CDH12: variants seen among roughly 807,000 people sequenced by gnomAD.
CDH12 encodes cadherin 12, also known as cadherin-12.
A neutral mutation model predicts 74.1 loss-of-function variants in CDH12; 41 were observed. The ratio of observed to expected loss-of-function variants is 0.55; its 90% confidence interval spans 0.43 to 0.72. CDH12 has a LOEUF of 0.72. Among genes scored for constraint, CDH12 ranks in the 30% least tolerant of loss-of-function variants. The pLI is 0.00. For missense variants in CDH12, 945 were observed against 977.2 expected, an observed-to-expected ratio of 0.97 and a Z score of 0.44; for synonymous variants, 399 against 355.0, an observed-to-expected ratio of 1.12 and a Z score of -1.39.
At chr5:22,357,097 T>G (rs1740595277) in intron 3 of CDH12, among the ~76,000 whole-genome samples, 1 of 152,138 alleles carries the variant, frequency 6.6e-6, no homozygotes, top group Non-Finnish European at 1.5e-5. Flanking sequence ...ATAGAGATAT[T>G]ATTTGTATTT....
chr5:22,753,636 C>T (rs997783997), intron 1 of CDH12, among the ~76,000 whole-genome samples: 13 of 149,908 alleles, frequency 8.7e-5, no homozygotes, highest in Non-Finnish European at 1.5e-4. Context: ...AATTTAAACT[C>T]TCAGTTGGAA....
intron 3 of CDH12, among the ~76,000 whole-genome samples, chr5:22,368,299 T>C (rs1434142696): frequency 1.3e-5 from 2 of 151,952 alleles, no homozygotes; most frequent in East Asian, 3.9e-4. Flanking sequence ...TTTTAATTAA[T>C]TTTATGTTAT....
At chr5:22,099,963 T>C (rs1744041745) in intron 4 of CDH12, among the ~76,000 whole-genome samples, 1 of 152,064 alleles carries the variant, frequency 6.6e-6, no homozygotes, top group Non-Finnish European at 1.5e-5. Flanking sequence ...TACCACAAAA[T>C]CTTCCTTCAG....
chr5:21,903,194 A>C (rs1753479268), intron 6 of CDH12, among the ~76,000 whole-genome samples: 1 of 152,154 alleles, frequency 6.6e-6, no homozygotes, highest in Non-Finnish European at 1.5e-5. Context: ...TCTGGGAAGC[A>C]GAAAAATAAG....
At position 22,495,689 on chromosome 5, in the gene CDH12, G is replaced by A. The variant is rs111749655; in HGVS notation, c.-428+9581C>T. Among the ~76,000 whole-genome samples, 1,085 of 152,162 alleles carry A rather than the reference G, an allele frequency of 7.1e-3. 13 individuals carry two copies. Among genetic ancestry groups the A allele is most frequent in the African/African-American group, 0.024 (1,004 of 41,502 alleles). ...AAATCAATGTGAAGTAATTCACAGC[G>A]CAAAAAACAAATTTAGAAATATAAG... On this transcript the variant is annotated intron_variant, in intron 2 of 14. Coordinates refer to ENST00000382254, the MANE Select transcript of CDH12 (RefSeq NM_004061.5).
chr5:22,169,855 G>A (rs1748919112), intron 4 of CDH12, among the ~76,000 whole-genome samples: 1 of 151,790 alleles, frequency 6.6e-6, no homozygotes. Flanking sequence ...ATAGATTTAG[G>A]AAGTGGTATT....
chr5:22,065,281 T>C (rs1449679601), intron 5 of CDH12, among the ~76,000 whole-genome samples: 2 of 152,196 alleles, frequency 1.3e-5, no homozygotes, highest in African/African-American at 4.8e-5. Flanking sequence ...TTGAGTTTTC[T>C]AATTTACCCA....
At chr5:22,039,743 T>C in intron 5 of CDH12, among the ~76,000 whole-genome samples, 1 of 152,222 alleles carries the variant, frequency 6.6e-6, no homozygotes, top group Non-Finnish European at 1.5e-5. Context: ...AGAAGCTGCA[T>C]GGAGGCTATA....
chr5:22,715,809 A>G (rs569224670), intron 1 of CDH12, among the ~76,000 whole-genome samples: 1 of 80,352 alleles, frequency 1.2e-5, no homozygotes, highest in Admixed American at 1.1e-4. Context: ...TAAAAAAAAA[A>G]AAAAAGAAAA....
Position 22,491,628 on chromosome 5 carries a change from A to AAC in CDH12, c.-428+13641_-428+13642insGT, listed in dbSNP as rs1554044842. Among the ~76,000 whole-genome samples the AAC allele has an allele frequency of 1.8e-4, 27 of 151,082 alleles. 1 individual carries two copies. The highest frequency in any genetic ancestry group is 5.3e-4 in the African/African-American group (22 of 41,170). On this transcript the variant is annotated intron_variant, in intron 2 of 14. Coordinates refer to ENST00000382254, the MANE Select transcript of CDH12 (RefSeq NM_004061.5). Reference sequence around the variant, plus strand: ...TAATGAGCAAAAAAAAAAACAAAAAAAAAAACAAAAACAACAACAATAACA... The same window carrying AAC: ...TAATGAGCAAAAAAAAAAACAAAAAAACAAAAACAAAAACAACAACAATAACA...
intron 1 of CDH12, among the ~76,000 whole-genome samples, chr5:22,800,309 G>C (rs954839347): frequency 2.6e-5 from 4 of 152,108 alleles, no homozygotes; most frequent in African/African-American, 9.7e-5. Context: ...GGTTAAAGGA[G>C]TTTTTTTCTT....
intron 1 of CDH12, among the ~76,000 whole-genome samples, chr5:22,806,499 C>T (rs1457342198): frequency 6.6e-6 from 1 of 151,900 alleles, no homozygotes; most frequent in South Asian, 2.1e-4. Context: ...ACTACAGGCG[C>T]CCGCCATCAC....
intron 8 of CDH12, among the ~76,000 whole-genome samples, chr5:21,837,689 C>G (rs1388680349): frequency 2.6e-5 from 4 of 152,074 alleles, no homozygotes; most frequent in Non-Finnish European, 4.4e-5. Flanking sequence ...ATTGGCTTTT[C>G]TCTTTATAAA....
chr5:22,387,959 G>C (rs1055787962), intron 3 of CDH12, among the ~76,000 whole-genome samples: 3 of 152,056 alleles, frequency 2.0e-5, no homozygotes, highest in Non-Finnish European at 4.4e-5. Context: ...CTCATCATAA[G>C]AGAAGTTTAT....
intron 3 of CDH12, among the ~76,000 whole-genome samples, chr5:22,239,666 G>A (rs574841525): frequency 6.6e-6 from 1 of 152,190 alleles, no homozygotes; most frequent in Non-Finnish European, 1.5e-5. Context: ...TCGTTTAACG[G>A]TGTTGAGGAA....
chr5:21,838,099 T>C (rs1223168713), intron 8 of CDH12, among the ~76,000 whole-genome samples: 1 of 152,204 alleles, frequency 6.6e-6, no homozygotes, highest in Non-Finnish European at 1.5e-5. Flanking sequence ...ACTTCAGATT[T>C]TTTGTTAAGT....
chr5:22,424,002 CAA>C (rs1165781089), intron 2 of CDH12, among the ~76,000 whole-genome samples: 599 of 31,006 alleles, frequency 0.019, no homozygotes, highest in African/African-American at 0.055. Flanking sequence ...GACTCTGTCT[CAA>C]AAAAAAAAAA....
intron 3 of CDH12, among the ~76,000 whole-genome samples, chr5:22,299,170 A>G (rs1737757905): frequency 6.6e-6 from 1 of 152,198 alleles, no homozygotes; most frequent in Non-Finnish European, 1.5e-5. Context: ...TGCAAACCTC[A>G]GGAGAGGGAA....
intron 4 of CDH12, among the ~76,000 whole-genome samples, chr5:22,091,786 C>T (rs1298743624): frequency 6.6e-6 from 1 of 151,842 alleles, no homozygotes; most frequent in East Asian, 2.0e-4. Flanking sequence ...GGAGAACTCA[C>T]ACTTTTCACT....
Sources: allele counts gnomAD v4.1 joint callset (sites outside exome capture counted in the v4.1 genomes callset), GRCh38; gene constraint gnomAD v4.1.1; transcripts MANE v1.5; gene names NCBI Gene and HGNC (gene_info 2026-07-23, HGNC 2026-07-21).